DERL2: variants seen among roughly 807,000 people sequenced by gnomAD.
DERL2 encodes derlin-2.
DERL2 carries 13 observed loss-of-function variants against 32.0 expected under a neutral mutation model. The observed-to-expected ratio is 0.41, with a 90% CI of 0.26 to 0.65. The LOEUF (loss-of-function observed/expected upper bound fraction) is 0.65. DERL2 is among the 30% of genes least tolerant of loss of function. The pLI is 0.35. For synonymous variants in DERL2, 111 were observed against 104.7 expected (o/e 1.06, Z -0.37); for missense variants, 208 against 296.3 (o/e 0.70, Z 2.19).
upstream of DERL2, chr17:5,486,187 C>A: frequency 9.0e-7 from 1 of 1,109,584 alleles, no homozygotes; most frequent in East Asian, 5.7e-5. Flanking sequence ...CTGCCCCACC[C>A]CCCACCCACC....
At chr17:5,485,337 G>A in intron 1 of DERL2, 121 bp from the exon 2 acceptor site, 1 of 637,686 alleles carries the variant, frequency 1.6e-6, no homozygotes, top group South Asian at 2.3e-5. Context: ...TTTCCTTTAA[G>A]CCTTTCTTCT....
rs778119779 is a variant in DERL2, at chr17:5,474,493, T to C, written c.*191A>G. The C allele has an allele frequency of 2.3e-4, 114 of 506,348 alleles. No homozygotes were observed. The highest frequency in any genetic ancestry group is 3.4e-4 in the Non-Finnish European group (98 of 287,592). 31.4% of individuals were successfully genotyped at this position (506,348 alleles called of 1,614,324 possible). On this transcript the variant is annotated 3_prime_UTR_variant, in exon 7 of 7. Transcript: ENST00000158771. This position sits in a 1 kb window ranked among gnomAD's most constrained non-coding sequence, Gnocchi z 4.3. ...AGAAATTACACTTTCAGTACCAGTG[T>C]AGTGAGGAACCACTGGCAAACTGTT...
At chr17:5,480,277 G>T in intron 5 of DERL2, 110 bp downstream of exon 5, 1 of 1,234,990 alleles carries the variant, frequency 8.1e-7, no homozygotes, top group South Asian at 1.4e-5. Flanking sequence ...CTAATATTGT[G>T]GTATTTTACA....
chr17:5,482,003 C>T (rs577479763), intron 3 of DERL2, among the ~76,000 whole-genome samples: 5 of 152,270 alleles, frequency 3.3e-5, no homozygotes. Context: ...TGCTCAGCCA[C>T]ACCTTAATAT....
intron 4 of DERL2, 67 bp from the exon 5 acceptor site, chr17:5,480,649 TA>T: frequency 7.6e-7 from 1 of 1,311,324 alleles, no homozygotes; most frequent in Non-Finnish European, 1.0e-6. Flanking sequence ...GCAGGAGAAC[TA>T]AAGATTGTGT....
At chr17:5,479,977 G>A (rs1905661313) in intron 6 of DERL2, 77 bp downstream of exon 6, 1 of 874,012 alleles carries the variant, frequency 1.1e-6, no homozygotes, top group Non-Finnish European at 1.9e-6. Flanking sequence ...AGGAGCTAGG[G>A]GAGCCAAAGA....
Position 5,472,871 on chromosome 17 carries a change from G to C in DERL2, c.*1813C>G, listed in dbSNP as rs915836540. On this transcript the variant is annotated 3_prime_UTR_variant, in exon 7 of 7. Coordinates refer to ENST00000158771, the MANE Select transcript of DERL2 (RefSeq NM_016041.5). ...AGGATAAAACTTAAGAATCCCATAA[G>C]GATTATACATGCTAAGATTGGCTTT... 2 of 151,796 alleles carry C rather than the reference G, an allele frequency of 1.3e-5. No individual in the cohort carries two copies. Among genetic ancestry groups the C allele is most frequent in the Non-Finnish European group, 2.9e-5 (2 of 67,984 alleles). 9.4% of individuals were successfully genotyped at this position (151,796 alleles called of 1,614,324 possible). A position where few individuals can be genotyped will look rare whatever the true frequency, so the allele number is the denominator to read the frequency against.
upstream of DERL2, chr17:5,486,467 T>G (rs1906325796): frequency 4.8e-4 from 110 of 227,926 alleles, no homozygotes; most frequent in Non-Finnish European, 6.4e-4. Flanking sequence ...ACAGCTAACT[T>G]TCCCGCCCGG....
chr17:5,485,345 T>C, intron 1 of DERL2, 129 bp from the exon 2 acceptor site: 2 of 590,364 alleles, frequency 3.4e-6, no homozygotes, highest in Non-Finnish European at 5.9e-6. Context: ...AAGCCTTTCT[T>C]CTTAGGCCAG....
chr17:5,472,811 G>T lies in DERL2; in HGVS notation c.*1873C>A, dbSNP rs552621766. 6.6e-6 allele frequency: 1 copy of T among 151,034 alleles called. No homozygotes were observed. The highest frequency in any genetic ancestry group is 1.5e-5 in the Non-Finnish European group (1 of 67,862). The allele number at this position is 151,034 out of a possible 1,614,324, so 9.4% of individuals were successfully genotyped here. ...AACAAAAAACAAAATTCTAACAAAC[G>T]TCACTGATAAAGCGTTCTTGAGCAA... On this transcript the variant is annotated 3_prime_UTR_variant, in exon 7 of 7. Transcript: ENST00000158771.
At chr17:5,480,765 T>C (rs1192656737) in intron 4 of DERL2, 183 bp from the exon 5 acceptor site, 1 of 493,556 alleles carries the variant, frequency 2.0e-6, no homozygotes, top group Admixed American at 3.9e-5. Flanking sequence ...AAAATCTGCT[T>C]AGGCTAAATT....
chr17:5,476,475 G>A (rs1202852972), intron 6 of DERL2, among the ~76,000 whole-genome samples: 1 of 152,124 alleles, frequency 6.6e-6, no homozygotes, highest in Non-Finnish European at 1.5e-5. Context: ...ATAATCAAAG[G>A]AAAGTATATT....
intron 2 of DERL2, 58 bp downstream of exon 2, chr17:5,485,093 A>G (rs544875927): frequency 1.6e-5 from 20 of 1,276,810 alleles, no homozygotes; most frequent in South Asian, 1.2e-4. Context: ...ATTTGCTACT[A>G]AACAGTAAGA....
rs190390713 is a variant in DERL2 at position 5,476,911 on chromosome 17, G to A, written c.615-2122C>T. ...CATCAGACCATGCACACATGGAGGTGGCCTGACGAGATGTTAGCCCGAGTA... is the reference window on the plus strand; with the variant it reads ...CATCAGACCATGCACACATGGAGGTAGCCTGACGAGATGTTAGCCCGAGTA... On this transcript the variant is annotated intron_variant, in intron 6 of 6. Coordinates refer to ENST00000158771, the MANE Select transcript of DERL2 (RefSeq NM_016041.5). Among the ~76,000 whole-genome samples the A allele has an allele frequency of 4.7e-3, 712 of 152,290 alleles. 2 individuals carry two copies. The highest frequency in any genetic ancestry group is 7.7e-3 in the Non-Finnish European group (521 of 68,022).
chr17:5,475,490 C>T (rs1020183900), intron 6 of DERL2, among the ~76,000 whole-genome samples: 2 of 152,228 alleles, frequency 1.3e-5, no homozygotes, highest in Middle Eastern at 3.4e-3. Flanking sequence ...AACTCCTGAA[C>T]TCAGGTGATC....
In DERL2 at chr17:5,480,671, G is replaced by A. The variant is rs540479171; in HGVS notation, c.328-89C>T. On this transcript the variant is annotated intron_variant, in intron 4 of 6. Coordinates refer to ENST00000158771, the MANE Select transcript of DERL2 (RefSeq NM_016041.5). ...AACTAAAGATTGTGTTCTAACAGAAGTTTGAATTGGAAAAGTCAAGTTGTT... is the reference window on the plus strand; with the variant it reads ...AACTAAAGATTGTGTTCTAACAGAAATTTGAATTGGAAAAGTCAAGTTGTT... The A allele has an allele frequency of 2.2e-5, 26 of 1,181,932 alleles. No homozygotes were observed. In the South Asian group the frequency reaches 5.7e-4, roughly 26 times the overall value. The allele number at this position is 1,181,932 out of a possible 1,614,324, so 73.2% of individuals were successfully genotyped here.
chr17:5,480,235 G>T, intron 5 of DERL2, 91 bp from the exon 6 acceptor site: 1 of 1,220,256 alleles, frequency 8.2e-7, no homozygotes, highest in Non-Finnish European at 1.2e-6. Flanking sequence ...TATTTAGGAT[G>T]AATGTCAACA....
chr17:5,478,976 TA>T (rs1213167265), intron 6 of DERL2, among the ~76,000 whole-genome samples: 1 of 152,138 alleles, frequency 6.6e-6, no homozygotes, highest in Non-Finnish European at 1.5e-5. Flanking sequence ...CATGCCACCA[TA>T]TGCAGCTGAT....
rs1905257522 is a variant in DERL2, at chr17:5,474,290, TAC to T, written c.*392_*393del. On this transcript the variant is annotated 3_prime_UTR_variant, in exon 7 of 7. Transcript: ENST00000158771. This position sits in a 1 kb window ranked among gnomAD's most constrained non-coding sequence, Gnocchi z 4.3. ...AAAAGATCACACACAAAAGCTTTAATACAGTGAGAGAAAAATGGAATTCCGTT... is the reference window on the plus strand; with the variant it reads ...AAAAGATCACACACAAAAGCTTTAATAGTGAGAGAAAAATGGAATTCCGTT... 1 of 157,020 alleles carries T rather than the reference TAC, an allele frequency of 6.4e-6. No individual in the cohort carries two copies. The highest frequency in any genetic ancestry group is 2.4e-5 in the African/African-American group (1 of 41,606). 9.7% of individuals were successfully genotyped at this position (157,020 alleles called of 1,614,324 possible). A position where few individuals can be genotyped will look rare whatever the true frequency, so the allele number is the denominator to read the frequency against.
Sources: allele counts gnomAD v4.1 joint callset (sites outside exome capture counted in the v4.1 genomes callset), GRCh38; gene constraint gnomAD v4.1.1; non-coding constraint Gnocchi (gnomAD v3.1); transcripts MANE v1.5; gene names NCBI Gene and HGNC (gene_info 2026-07-23, HGNC 2026-07-21).